Variants in NHERF2 observed in about 807,000 individuals in gnomAD.
The protein encoded by NHERF2 is Na(+)/H(+) exchange regulatory cofactor NHE-RF2.
At chr16:2,035,366 G>C in the NHERF2 span, 1 of 948,892 alleles carries the variant, frequency 1.1e-6, no homozygotes, top group Non-Finnish European at 1.2e-6. Flanking sequence ...TGAGGTCTGA[G>C]CGCCCCCTTG....
At chr16:2,037,281 G>A in the NHERF2 span, among the ~76,000 whole-genome samples, 2 of 152,314 alleles carry the variant, frequency 1.3e-5, no homozygotes, top group East Asian at 3.9e-4. Context: ...AGCTGGCGGT[G>A]GCCTCACCCC....
the NHERF2 span, chr16:2,037,530 T>C: frequency 1.9e-6 from 3 of 1,609,166 alleles, no homozygotes; most frequent in South Asian, 3.3e-5. Context: ...CTGCCCTTGG[T>C]TTCCCAGCTC....
chr16:2,037,687 T>TG, the NHERF2 span: 7 of 1,562,358 alleles, frequency 4.5e-6, no homozygotes, highest in Non-Finnish European at 5.2e-6. Flanking sequence ...GCCCGGGCAG[T>TG]GGGGTCTCTG....
At chr16:2,029,703 T>TCCC in the NHERF2 span, 1 of 1,509,484 alleles carries the variant, frequency 6.6e-7, no homozygotes, top group Non-Finnish European at 9.0e-7. Flanking sequence ...CAGCGAGGGC[T>TCCC]CCCACCCGCC....
At chr16:2,029,452 T>C in the NHERF2 span, 6 of 830,582 alleles carry the variant, frequency 7.2e-6, no homozygotes, top group South Asian at 3.3e-5. Context: ...GCAGGCCTCT[T>C]GGTGCAGCCA....
the NHERF2 span, chr16:2,036,225 G>T: frequency 7.2e-6 from 9 of 1,257,256 alleles, no homozygotes; most frequent in Admixed American, 1.2e-4. Flanking sequence ...CCCGTGGGGG[G>T]CACGGTACCG....
chr16:2,037,119 CT>C, the NHERF2 span: 2 of 1,201,796 alleles, frequency 1.7e-6, no homozygotes, highest in Non-Finnish European at 2.3e-6. Flanking sequence ...GATTTTAGCC[CT>C]GTCACCTCCC....
At chr16:2,036,967 C>A in the NHERF2 span, 1 of 1,553,886 alleles carries the variant, frequency 6.4e-7, no homozygotes, top group Non-Finnish European at 8.7e-7. Flanking sequence ...CCTCTGCCGT[C>A]ACCCGTCACC....
the NHERF2 span, among the ~76,000 whole-genome samples, chr16:2,032,575 T>C: frequency 2.6e-5 from 4 of 152,220 alleles, no homozygotes; most frequent in Non-Finnish European, 5.9e-5. The surrounding 1 kb of genome is among the most constrained non-coding windows in gnomAD (Gnocchi z 4.0). Context: ...AGGGCCCAAC[T>C]TTGGGTGCCC....
At chr16:2,029,413 C>A in the NHERF2 span, 2 of 623,890 alleles carry the variant, frequency 3.2e-6, no homozygotes, top group Non-Finnish European at 5.6e-6. Flanking sequence ...GAGGGAGCCG[C>A]TGGAGTCCGG....
At chr16:2,038,403 C>CA in the NHERF2 span, 1 of 363,746 alleles carries the variant, frequency 2.7e-6, no homozygotes, top group Non-Finnish European at 5.2e-6. Flanking sequence ...ACCAGAGACC[C>CA]CCCCCCTTCC....
chr16:2,029,904 T>G, the NHERF2 span: 4 of 819,566 alleles, frequency 4.9e-6, no homozygotes, highest in South Asian at 6.8e-5. Context: ...CTTTTGGGGC[T>G]CCTTTTCTGC....
the NHERF2 span, chr16:2,032,975 G>C: frequency 2.7e-6 from 3 of 1,122,846 alleles, no homozygotes; most frequent in Non-Finnish European, 3.3e-6. The surrounding 1 kb of genome is among the most constrained non-coding windows in gnomAD (Gnocchi z 4.0). Context: ...CGGTGCCTGC[G>C]GGGGCTTCCG....
At chr16:2,032,573 A>C in the NHERF2 span, among the ~76,000 whole-genome samples, 12 of 152,178 alleles carry the variant, frequency 7.9e-5, no homozygotes, top group Non-Finnish European at 1.6e-4. This position sits in a 1 kb window ranked among gnomAD's most constrained non-coding sequence, Gnocchi z 4.0. Context: ...AGAGGGCCCA[A>C]CTTTGGGTGC....
chr16:2,036,553 C>T, the NHERF2 span: 1 of 1,539,438 alleles, frequency 6.5e-7, no homozygotes, highest in South Asian at 1.2e-5. Context: ...CACCTGTCCA[C>T]ACTGGGGCCC....
the NHERF2 span, chr16:2,037,728 G>A: frequency 6.4e-7 from 1 of 1,550,604 alleles, no homozygotes; most frequent in East Asian, 2.4e-5. Flanking sequence ...CCCAGCCCCA[G>A]CAGGCAGCCT....
the NHERF2 span, chr16:2,029,642 A>T: frequency 6.3e-7 from 1 of 1,576,136 alleles, no homozygotes; most frequent in South Asian, 1.2e-5. Flanking sequence ...GGACCAGGAG[A>T]CAGATGAGGA....
the NHERF2 span, chr16:2,036,328 T>C: frequency 6.2e-7 from 1 of 1,606,736 alleles, no homozygotes; most frequent in East Asian, 2.2e-5. Flanking sequence ...CTGCAGGATG[T>C]CAGTGGGCCC....
chr16:2,038,032 C>T, the NHERF2 span: 4 of 1,601,346 alleles, frequency 2.5e-6, no homozygotes, highest in East Asian at 9.0e-5. Flanking sequence ...CCGCACGGAC[C>T]TTGGGCCTCA....
Sources: allele counts gnomAD v4.1 joint callset (sites outside exome capture counted in the v4.1 genomes callset), GRCh38; gene constraint gnomAD v4.1.1; non-coding constraint Gnocchi (gnomAD v3.1); transcripts MANE v1.5; gene names NCBI Gene and HGNC (gene_info 2026-07-23, HGNC 2026-07-21).